The following DSCAM variants were observed in gnomAD, a reference collection of about 807,000 sequenced individuals.
DSCAM encodes cell adhesion molecule DSCAM.
In DSCAM, 47 loss-of-function variants were observed where a neutral mutation model predicts 217.7. That is an observed-to-expected ratio of 0.22 (90% CI 0.17 to 0.28). The LOEUF is 0.28. DSCAM is among the 10% of genes least tolerant of loss of function. The pLI, the probability that DSCAM is intolerant of heterozygous loss-of-function variation, is 1.00. For synonymous variants in DSCAM, 1,056 were observed against 1,015.3 expected (o/e 1.04, Z -0.76); for missense variants, 2,080 against 2,618.3 (o/e 0.79, Z 4.49).
intron 3 of DSCAM, among the ~76,000 whole-genome samples, chr21:40,401,035 T>C (rs561594606): frequency 1.3e-5 from 2 of 152,278 alleles, no homozygotes; most frequent in East Asian, 3.9e-4. Context: ...GTTTGAAAAA[T>C]TTTACCATTG....
intron 4 of DSCAM, among the ~76,000 whole-genome samples, chr21:40,358,539 ACTCACGCCT>A (rs2074721027): frequency 6.6e-6 from 1 of 152,090 alleles, no homozygotes; most frequent in Non-Finnish European, 1.5e-5. Context: ...CAGTGCGGTG[ACTCACGCCT>A]GTAATCCCAG....
At chr21:40,409,071 C>T (rs1443575756) in intron 3 of DSCAM, among the ~76,000 whole-genome samples, 1 of 152,064 alleles carries the variant, frequency 6.6e-6, no homozygotes, top group Non-Finnish European at 1.5e-5. Context: ...ACCATTAAGC[C>T]TAAAGAATAA....
At chr21:40,385,872 A>G (rs374313069) in intron 3 of DSCAM, among the ~76,000 whole-genome samples, 1 of 152,226 alleles carries the variant, frequency 6.6e-6, no homozygotes, top group Non-Finnish European at 1.5e-5. Flanking sequence ...AAAATAATGC[A>G]AAGTATAAAA....
At chr21:40,242,596 G>T (rs1157766929) in intron 11 of DSCAM, among the ~76,000 whole-genome samples, 3 of 152,132 alleles carry the variant, frequency 2.0e-5, no homozygotes, top group Non-Finnish European at 4.4e-5. Context: ...AGCCTTCAGT[G>T]AATGAGTTGT....
At chr21:40,459,336 T>A (rs1338109820) in intron 3 of DSCAM, among the ~76,000 whole-genome samples, 1 of 152,142 alleles carries the variant, frequency 6.6e-6, no homozygotes, top group East Asian at 1.9e-4. Context: ...AAATTAAAAC[T>A]GTGCATATTA....
intron 7 of DSCAM, 29 bp downstream of exon 7, chr21:40,339,090 T>G: frequency 4.4e-6 from 7 of 1,591,028 alleles, no homozygotes; most frequent in South Asian, 1.1e-5. Flanking sequence ...GTTATGTGTG[T>G]TTTTTTGAGG....
At chr21:40,197,924 T>A (rs1022998376) in intron 11 of DSCAM, among the ~76,000 whole-genome samples, 1 of 152,176 alleles carries the variant, frequency 6.6e-6, no homozygotes, top group African/African-American at 2.4e-5. Flanking sequence ...CCTCTTTCCC[T>A]TATAGTAGCG....
chr21:40,137,641 ACACATT>A (rs956693052), intron 18 of DSCAM, among the ~76,000 whole-genome samples: 24 of 91,240 alleles, frequency 2.6e-4, no homozygotes, highest in African/African-American at 5.0e-4. Context: ...ACACACACAC[ACACATT>A]AACTGAAGTG....
At chr21:40,186,151 G>T (rs67569529) in intron 14 of DSCAM, among the ~76,000 whole-genome samples, 49,069 of 151,966 alleles carry the variant, frequency 0.32, 8,370 homozygotes, top group African/African-American at 0.44. Context: ...CCCTCGGCTT[G>T]CCTTTGCAGT....
At chr21:40,832,633 A>G (rs2123648604) in intron 1 of DSCAM, among the ~76,000 whole-genome samples, 1 of 152,322 alleles carries the variant, frequency 6.6e-6, no homozygotes, top group East Asian at 1.9e-4. Context: ...AGATCAAAAC[A>G]CAGGCAAATT....
At chr21:40,470,110 C>T (rs2075875883) in intron 3 of DSCAM, among the ~76,000 whole-genome samples, 1 of 152,178 alleles carries the variant, frequency 6.6e-6, no homozygotes. Context: ...CAATAAACCA[C>T]AATGACGTAA....
At chr21:40,091,413 C>T (rs975135343) in intron 21 of DSCAM, among the ~76,000 whole-genome samples, 2 of 152,060 alleles carry the variant, frequency 1.3e-5, no homozygotes, top group Admixed American at 6.6e-5. Flanking sequence ...TGTCCTGGAC[C>T]TCCCACCTGC....
chr21:40,761,468 G>GAACATCAT (rs921414764), intron 1 of DSCAM, among the ~76,000 whole-genome samples: 1 of 150,694 alleles, frequency 6.6e-6, no homozygotes, highest in African/African-American at 2.4e-5. Flanking sequence ...ACTACAGGGA[G>GAACATCAT]AACATCATGT....
chr21:40,270,933 C>A (rs1032583837), intron 11 of DSCAM, among the ~76,000 whole-genome samples: 1 of 152,192 alleles, frequency 6.6e-6, no homozygotes, highest in Non-Finnish European at 1.5e-5. Flanking sequence ...TATGGATTAT[C>A]CAGGCATAGA....
At chr21:40,513,221 C>G (rs1375418739) in intron 3 of DSCAM, 1 of 152,102 alleles carries the variant, frequency 6.6e-6, no homozygotes, top group East Asian at 1.9e-4. Flanking sequence ...CCTACCTACC[C>G]CGTACATACT....
At chr21:40,367,445 C>G (rs927305307) in intron 4 of DSCAM, among the ~76,000 whole-genome samples, 2 of 152,114 alleles carry the variant, frequency 1.3e-5, no homozygotes, top group African/African-American at 2.4e-5. Context: ...CACCATGACC[C>G]AAACTCCAGA....
intron 11 of DSCAM, among the ~76,000 whole-genome samples, chr21:40,197,855 C>T (rs1372560349): frequency 6.6e-6 from 1 of 152,208 alleles, no homozygotes; most frequent in African/African-American, 2.4e-5. Context: ...TAAAGTCATA[C>T]AACTAGTAAA....
At chr21:40,027,345 A>G (rs894260843) in intron 32 of DSCAM, among the ~76,000 whole-genome samples, 2 of 152,218 alleles carry the variant, frequency 1.3e-5, no homozygotes, top group Non-Finnish European at 2.9e-5. Context: ...GAATCTGACA[A>G]TTATGTGTCT....
intron 11 of DSCAM, among the ~76,000 whole-genome samples, chr21:40,217,461 A>T (rs1569005536): frequency 6.6e-6 from 1 of 152,110 alleles, no homozygotes; most frequent in Non-Finnish European, 1.5e-5. Flanking sequence ...GTTTAGTTAC[A>T]TAGGTAAACT....
Sources: gnomAD v4.1 joint callset for allele counts (sites outside exome capture counted in the v4.1 genomes callset) on GRCh38, gnomAD v4.1.1 for gene constraint, MANE v1.5 for transcripts, NCBI Gene and HGNC (gene_info 2026-07-23, HGNC 2026-07-21) for gene names.